ZNF83: variants seen among roughly 807,000 people sequenced by gnomAD.
ZNF83 encodes the protein zinc finger protein 816B.
For synonymous variants in ZNF83, 209 were observed against 213.0 expected, an observed-to-expected ratio of 0.98 and a Z score of 0.17; for missense variants, 552 against 629.9, an observed-to-expected ratio of 0.88 and a Z score of 1.32.
chr19:52,630,249 T>C (rs2060904358), intron 2 of ZNF83, among the ~76,000 whole-genome samples: 1 of 152,218 alleles, frequency 6.6e-6, no homozygotes, highest in Admixed American at 6.5e-5. Context: ...GGCTGAAGAC[T>C]GACACTGCCC....
At chr19:52,613,150 A>G (rs114332129) in exon 3 of ZNF83, 3 of 1,613,510 alleles carry the variant, frequency 1.9e-6, no homozygotes, top group South Asian at 2.2e-5. Context: ...ATGATTAGTG[A>G]GGCTTGAACG....
chr19:52,632,483 C>T (rs924120983), intron 2 of ZNF83, among the ~76,000 whole-genome samples: 2 of 152,196 alleles, frequency 1.3e-5, no homozygotes, highest in South Asian at 2.1e-4. Flanking sequence ...CTTGTCATCC[C>T]TACTATCTTC....
At chr19:52,671,599 A>G (rs757274651) in intron 1 of ZNF83, among the ~76,000 whole-genome samples, 13 of 152,048 alleles carry the variant, frequency 8.5e-5, no homozygotes, top group Non-Finnish European at 1.8e-4. Context: ...CTCACCACCA[A>G]GCCTGGCTAA....
At chr19:52,629,529 C>CA (rs2060872012) in intron 2 of ZNF83, among the ~76,000 whole-genome samples, 1 of 152,192 alleles carries the variant, frequency 6.6e-6, no homozygotes, top group Admixed American at 6.5e-5. Context: ...TTTATCACCT[C>CA]ACCTGCTCAC....
chr19:52,629,646 C>T (rs1035876054), intron 2 of ZNF83, among the ~76,000 whole-genome samples: 3 of 152,070 alleles, frequency 2.0e-5, no homozygotes, highest in Non-Finnish European at 4.4e-5. Flanking sequence ...AAGGTTAATG[C>T]TCCTTTTTCT....
At chr19:52,612,720 A>T in exon 3 of ZNF83, 1 of 364,602 alleles carries the variant, frequency 2.7e-6, no homozygotes, top group Non-Finnish European at 4.9e-6. Context: ...GAATTTTTGC[A>T]ATATTGTACA....
chr19:52,648,723 G>C (rs999159310), intron 3 of ZNF83, among the ~76,000 whole-genome samples: 1 of 152,180 alleles, frequency 6.6e-6, no homozygotes, highest in African/African-American at 2.4e-5. Flanking sequence ...GGCAGCTCAA[G>C]ACAAGTAGAC....
intron 2 of ZNF83, among the ~76,000 whole-genome samples, chr19:52,632,014 CCT>C (rs1218295452): frequency 6.6e-6 from 1 of 152,134 alleles, no homozygotes; most frequent in African/African-American, 2.4e-5. Flanking sequence ...CTCAACGTGC[CCT>C]GAGTCAGGAA....
At chr19:52,633,717 C>A (rs546020760) in intron 2 of ZNF83, among the ~76,000 whole-genome samples, 15 of 152,238 alleles carry the variant, frequency 9.9e-5, no homozygotes, top group Admixed American at 2.6e-4. Flanking sequence ...TTGAGACCAG[C>A]CTGGCCAACA....
intron 2 of ZNF83, among the ~76,000 whole-genome samples, chr19:52,626,735 T>C (rs372201025): frequency 6.6e-6 from 1 of 152,128 alleles, no homozygotes. Flanking sequence ...TAACTCATTA[T>C]AAAATTTTCC....
At chr19:52,645,756 A>G (rs1411693839) in intron 3 of ZNF83, among the ~76,000 whole-genome samples, 1 of 151,428 alleles carries the variant, frequency 6.6e-6, no homozygotes, top group Non-Finnish European at 1.5e-5. Context: ...GCAGTGAGCC[A>G]AGATCATGCC....
At chr19:52,681,960 G>T (rs2061929311) in intron 1 of ZNF83, among the ~76,000 whole-genome samples, 1 of 152,106 alleles carries the variant, frequency 6.6e-6, no homozygotes, top group South Asian at 2.1e-4. Context: ...CAATTCTCCT[G>T]CCTCAGCCTC....
At chr19:52,632,014 C>T (rs1224588279) in intron 2 of ZNF83, among the ~76,000 whole-genome samples, 2 of 152,134 alleles carry the variant, frequency 1.3e-5, no homozygotes, top group Admixed American at 6.6e-5. Flanking sequence ...CTCAACGTGC[C>T]CTGAGTCAGG....
At chr19:52,676,589 A>G (rs1330583257) in intron 1 of ZNF83, among the ~76,000 whole-genome samples, 1 of 150,870 alleles carries the variant, frequency 6.6e-6, no homozygotes, top group African/African-American at 2.4e-5. Flanking sequence ...GGAAGTGAGG[A>G]GCCCCTCTGC....
rs544721676 is a variant in ZNF83, at chr19:52,662,284, G to A, written c.-282-1441C>T. On this transcript the variant is annotated intron_variant, in intron 1 of 5. Coordinates refer to the ZNF83 transcript ENST00000594682. ...ACCCTGTCACCCTCATCTGAGACATGTAGGACTGCAAGGGAATGTGTTCAG... is the reference window on the plus strand; with the variant it reads ...ACCCTGTCACCCTCATCTGAGACATATAGGACTGCAAGGGAATGTGTTCAG... 7.2e-5 allele frequency among the ~76,000 whole-genome samples: 11 copies of A among 152,302 alleles called. No individual in the cohort carries two copies. In the South Asian group the frequency reaches 2.3e-3, roughly 32 times the overall value.
chr19:52,666,299 G>C (rs1403471298), intron 1 of ZNF83, among the ~76,000 whole-genome samples: 2 of 152,018 alleles, frequency 1.3e-5, no homozygotes, highest in African/African-American at 4.8e-5. Context: ...GTAGTAGAGA[G>C]AAAACAGTAT....
rs777041967 is a variant in ZNF83 at position 52,613,127 on chromosome 19, T to C, written c.1438A>G (p.Thr480Ala). Residue 480 changes from threonine (T) to alanine (A), a missense_variant, in exon 3 of 3, where the codon ACT becomes GCT. By Grantham distance (58) the Thr-to-Ala change is moderately conservative. Transcript: ENST00000301096. ...TTACATTTGAAATGTTTCTCTCCAGTGTGGATCGCATGATGATTAGTGAGG... is the reference window on the plus strand; with the variant it reads ...TTACATTTGAAATGTTTCTCTCCAGCGTGGATCGCATGATGATTAGTGAGG... 7.4e-6 allele frequency: 12 copies of C among 1,613,994 alleles called. No homozygotes were observed. The highest frequency in any genetic ancestry group is 1.0e-5 in the Non-Finnish European group (12 of 1,180,014).
intron 3 of ZNF83, chr19:52,654,326 A>G (rs2061479660): frequency 6.9e-7 from 1 of 1,446,762 alleles, no homozygotes; most frequent in Admixed American, 1.7e-5. Flanking sequence ...TGTCTTTGCA[A>G]TGTCCCTGTG....
chr19:52,681,625 C>T (rs1406830694), intron 1 of ZNF83, among the ~76,000 whole-genome samples: 1 of 152,122 alleles, frequency 6.6e-6, no homozygotes, highest in African/African-American at 2.4e-5. Flanking sequence ...AAAATTACCA[C>T]AAATCAAATA....
Sources: allele counts gnomAD v4.1 joint callset (sites outside exome capture counted in the v4.1 genomes callset), GRCh38; gene constraint gnomAD v4.1.1; transcripts MANE v1.5; gene names NCBI Gene and HGNC (gene_info 2026-07-23, HGNC 2026-07-21).